The following FRK variants were observed in gnomAD, a reference collection of about 807,000 sequenced individuals.
The protein encoded by FRK is tyrosine-protein kinase FRK.
Under a neutral mutation model 56.4 loss-of-function variants are expected in FRK, and 51 were observed. That is an observed-to-expected ratio of 0.90 (90% CI 0.72 to 1.14). The LOEUF (loss-of-function observed/expected upper bound fraction) is 1.14, where lower values mean the gene tolerates loss of function less well. FRK is among the 50% of genes most tolerant of loss of function. FRK has a pLI of 0.00. For synonymous variants in FRK, 245 were observed against 217.9 expected (o/e 1.12, Z -1.10); for missense variants, 570 against 601.4 (o/e 0.95, Z 0.55).
At chr6:116,058,850 G>A (rs1220944743) in intron 1 of FRK, among the ~76,000 whole-genome samples, 2 of 148,342 alleles carry the variant, frequency 1.3e-5, no homozygotes, top group African/African-American at 5.0e-5. Flanking sequence ...GGCGGAGCTT[G>A]CAGTGAGCCG....
At chr6:115,987,582 A>G (rs988077483) in intron 2 of FRK, among the ~76,000 whole-genome samples, 4 of 152,116 alleles carry the variant, frequency 2.6e-5, no homozygotes, top group Admixed American at 2.0e-4. Flanking sequence ...TTATCTTATA[A>G]AAACCAGAGT....
chr6:116,066,687 T>C, the FRK span, among the ~76,000 whole-genome samples: 4 of 152,318 alleles, frequency 2.6e-5, no homozygotes, highest in African/African-American at 9.6e-5. Context: ...TCTGGCTCTC[T>C]ATGGGCCAGC....
In FRK at chr6:115,938,502, AT is replaced by A. The variant is rs1772090146; in HGVS notation, c.*3911del. 1 of 152,238 alleles carries A rather than the reference AT, an allele frequency of 6.6e-6. No individual in the cohort carries two copies. Among genetic ancestry groups the A allele is most frequent in the Non-Finnish European group, 1.5e-5 (1 of 68,042 alleles). The allele number at this position is 152,238 out of a possible 1,614,324, so 9.4% of individuals were successfully genotyped here. A position where few individuals can be genotyped will look rare whatever the true frequency, so the allele number is the denominator to read the frequency against. On this transcript the variant is annotated 3_prime_UTR_variant, in exon 8 of 8. Coordinates refer to ENST00000606080, the MANE Select transcript of FRK (RefSeq NM_002031.3). The stretch of plus-strand genomic sequence containing the variant: ...GAACAGAACTGAAGGTGATAGAGAC[AT>A]GAAAAACCTTTCAAAAAATCAATGA...
At chr6:115,999,098 C>A (rs1344660225) in intron 2 of FRK, among the ~76,000 whole-genome samples, 3 of 152,008 alleles carry the variant, frequency 2.0e-5, no homozygotes, top group South Asian at 2.1e-4. Context: ...TATAGAATAC[C>A]AACCAGTAAA....
chr6:116,005,571 G>A (rs1026487442), intron 1 of FRK, among the ~76,000 whole-genome samples: 4 of 152,186 alleles, frequency 2.6e-5, no homozygotes, highest in East Asian at 1.9e-4. Flanking sequence ...GAAACATTTG[G>A]TAGACTACAC....
At chr6:116,080,045 T>C in the FRK span, among the ~76,000 whole-genome samples, 1 of 152,242 alleles carries the variant, frequency 6.6e-6, no homozygotes, top group Non-Finnish European at 1.5e-5. Flanking sequence ...AATGTGAATA[T>C]GTACTTTTTT....
At chr6:116,088,949 G>T in the FRK span, among the ~76,000 whole-genome samples, 2 of 152,148 alleles carry the variant, frequency 1.3e-5, no homozygotes, top group African/African-American at 4.8e-5. Context: ...AGGGATTCCT[G>T]AAATATGTTC....
At chr6:116,019,502 A>T (rs1160243861) in intron 1 of FRK, among the ~76,000 whole-genome samples, 1 of 152,236 alleles carries the variant, frequency 6.6e-6, no homozygotes, top group Non-Finnish European at 1.5e-5. Flanking sequence ...GATGACAATT[A>T]TAACAATCAT....
At chr6:115,975,913 T>TA (rs1773975483) in intron 2 of FRK, among the ~76,000 whole-genome samples, 1 of 152,136 alleles carries the variant, frequency 6.6e-6, no homozygotes, top group Non-Finnish European at 1.5e-5. Flanking sequence ...AGGAATACAA[T>TA]AAATGTTGGT....
intron 1 of FRK, among the ~76,000 whole-genome samples, chr6:116,046,472 TC>T (rs1776967969): frequency 6.6e-6 from 1 of 152,204 alleles, no homozygotes; most frequent in Admixed American, 6.5e-5. Context: ...TGAGTTCATA[TC>T]CTTTGCAGGG....
At chr6:115,967,469 C>G in intron 4 of FRK, 82 bp downstream of exon 4, 4 of 1,395,364 alleles carry the variant, frequency 2.9e-6, no homozygotes, top group Non-Finnish European at 4.0e-6. Flanking sequence ...ATTAGCCACC[C>G]TATGACCTCT....
At chr6:115,967,451 C>G in intron 4 of FRK, 100 bp downstream of exon 4, 1 of 1,135,748 alleles carries the variant, frequency 8.8e-7, no homozygotes, top group Non-Finnish European at 1.3e-6. Flanking sequence ...CACCTGCTTG[C>G]TGCCAGTATT....
At chr6:116,054,506 AT>A (rs1777310743) in intron 1 of FRK, among the ~76,000 whole-genome samples, 1 of 130,162 alleles carries the variant, frequency 7.7e-6, no homozygotes, top group Non-Finnish European at 1.7e-5. Flanking sequence ...TACTATTATA[AT>A]ATTATACTAT....
rs1776527293 is a variant in FRK, at chr6:116,037,383, G to GA, written c.344+22584dup. Among the ~76,000 whole-genome samples the GA allele has an allele frequency of 3.3e-5, 5 of 152,238 alleles. No homozygotes were observed. The South Asian group carries it at 1.0e-3, about 32-fold the overall frequency. On this transcript the variant is annotated intron_variant, in intron 1 of 7. Coordinates refer to ENST00000606080, the MANE Select transcript of FRK (RefSeq NM_002031.3). ...TAATTTGGTTGATATAAAGAAAGTA[G>GA]AATGAGGGAAGAAATGGGCTTAATT...
At chr6:115,953,139 C>A (rs544738055) in intron 5 of FRK, among the ~76,000 whole-genome samples, 2 of 146,062 alleles carry the variant, frequency 1.4e-5, no homozygotes, top group Non-Finnish European at 3.0e-5. Context: ...TAATATTTAT[C>A]ATGATGGGCT....
chr6:115,940,661 T>C lies in FRK; in HGVS notation c.*1753A>G, dbSNP rs1772139561. ...AAAAACAAACAACCCCATCAAAAAGTGGGCGAAGGATTTGAACAGACACAT... is the reference window on the plus strand; with the variant it reads ...AAAAACAAACAACCCCATCAAAAAGCGGGCGAAGGATTTGAACAGACACAT... On this transcript the variant is annotated 3_prime_UTR_variant, in exon 8 of 8. Transcript: ENST00000606080. The C allele has an allele frequency of 6.6e-6, 1 of 152,062 alleles. No homozygotes were observed. The highest frequency in any genetic ancestry group is 2.1e-4 in the South Asian group (1 of 4,820). The allele number at this position is 152,062 out of a possible 1,614,324, so 9.4% of individuals were successfully genotyped here. A position where few individuals can be genotyped will look rare whatever the true frequency, so the allele number is the denominator to read the frequency against.
chr6:116,060,430 A>T lies in FRK; in HGVS notation c.-119T>A. On this transcript the variant is annotated 5_prime_UTR_variant, in exon 1 of 8. Coordinates refer to ENST00000606080, the MANE Select transcript of FRK (RefSeq NM_002031.3). ...TCAGCACCAACTCACCATACTTCGGAGAGTATGCAAAGTCCCGTTTCAGAT... is the reference window on the plus strand; with the variant it reads ...TCAGCACCAACTCACCATACTTCGGTGAGTATGCAAAGTCCCGTTTCAGAT... The T allele has an allele frequency of 2.7e-6, 2 of 745,224 alleles. No homozygotes were observed. The highest frequency in any genetic ancestry group is 4.4e-6 in the Non-Finnish European group (2 of 456,188). 46.2% of individuals were successfully genotyped at this position (745,224 alleles called of 1,614,324 possible).
In FRK at chr6:116,005,189, T is replaced by C. The variant is rs142262579; in HGVS notation, c.345-1191A>G. The stretch of plus-strand genomic sequence containing the variant: ...TGTTCGTTTATCATTTCCCCAATTA[T>C]CAAATTGTAAATTACAGTACATTAA... On this transcript the variant is annotated intron_variant, in intron 1 of 7. Coordinates refer to ENST00000606080, the MANE Select transcript of FRK (RefSeq NM_002031.3). Among the ~76,000 whole-genome samples the C allele has an allele frequency of 1.8e-4, 27 of 152,256 alleles. No homozygotes were observed. In the East Asian group the frequency reaches 5.0e-3, roughly 28 times the overall value.
At chr6:116,089,639 CTTTG>C in the FRK span, among the ~76,000 whole-genome samples, 3 of 152,188 alleles carry the variant, frequency 2.0e-5, no homozygotes, top group Non-Finnish European at 2.9e-5. Context: ...CTCACACACT[CTTTG>C]TTTGTGCATC....
Sources: allele counts gnomAD v4.1 joint callset (sites outside exome capture counted in the v4.1 genomes callset), GRCh38; gene constraint gnomAD v4.1.1; transcripts MANE v1.5; gene names NCBI Gene and HGNC (gene_info 2026-07-23, HGNC 2026-07-21).